Variants in SPEG observed in about 807,000 individuals in gnomAD.
SPEG encodes the protein striated muscle preferentially expressed protein kinase.
A neutral mutation model predicts 300.4 loss-of-function variants in SPEG; 114 were observed. That is an observed-to-expected ratio of 0.38 (90% CI 0.33 to 0.44). The LOEUF is 0.44. SPEG is among the 20% of genes least tolerant of loss of function. SPEG has a pLI of 1.00. For missense variants in SPEG, 4,201 were observed against 4,586.2 expected, an observed-to-expected ratio of 0.92 and a Z score of 2.43; for synonymous variants, 1,964 against 2,018.9, an observed-to-expected ratio of 0.97 and a Z score of 0.73.
chr2:219,489,780 C>T lies in SPEG; in HGVS notation c.8762C>T (p.Pro2921Leu), dbSNP rs767503621. The change falls in exon 36 of 41, where the codon CCT becomes CTT. Residue 2921 changes from proline to leucine, a missense_variant. By Grantham distance (98) the Pro-to-Leu change is moderately conservative. Coordinates refer to ENST00000312358, the MANE Select transcript of SPEG (RefSeq NM_005876.5). ...CCTGAGCCCCCAGCCCCTGAGCCCCCTCCTGAGCCTACCAAGGTGACTGTG... is the reference window on the plus strand; with the variant it reads ...CCTGAGCCCCCAGCCCCTGAGCCCCTTCCTGAGCCTACCAAGGTGACTGTG... ...PAPEPPAPEP[P>L]PEPTKVTVQS... is the part of the protein sequence containing the mutation. 7 of 1,613,724 alleles carry T rather than the reference C, an allele frequency of 4.3e-6. No individual in the cohort carries two copies. Among genetic ancestry groups the T allele is most frequent in the Non-Finnish European group, 5.9e-6 (7 of 1,179,976 alleles).
In SPEG at chr2:219,483,753, G is replaced by C; in HGVS notation, c.6290G>C (p.Gly2097Ala). The change falls in exon 30 of 41, where the codon GGC (glycine) becomes GCC (alanine). Residue 2097 changes from glycine (G) to alanine (A), a missense_variant. Physicochemically the swap from Gly to Ala is moderately conservative, Grantham distance 60 (BLOSUM62 0). Coordinates refer to ENST00000312358, the MANE Select transcript of SPEG (RefSeq NM_005876.5). ...LRGPLLESLG[G>A]RARDPRMARA... The stretch of plus-strand genomic sequence containing the variant: ...GGTCCCCTGCTGGAGAGCCTGGGGG[G>C]CCGTGCTCGGGACCCCCGGATGGCA... The C allele has an allele frequency of 6.5e-7, 1 of 1,542,156 alleles. No homozygotes were observed. The highest frequency in any genetic ancestry group is 1.9e-5 in the Admixed American group (1 of 51,762).
chr2:219,488,378 G>A (rs527243001), intron 32 of SPEG, 68 bp downstream of exon 32: 27 of 1,509,530 alleles, frequency 1.8e-5, no homozygotes, highest in Non-Finnish European at 2.3e-5. Flanking sequence ...GGATGGGAGG[G>A]GCTAGGCCGG....
chr2:219,482,865 G>A lies in SPEG; in HGVS notation c.5634+13G>A. On this transcript the variant is annotated intron_variant, in intron 29 of 40. Transcript: ENST00000312358. ...GCGGAGGTGGCAGGTAAGTGTGGCA[G>A]GCCAGCCTCTGTGCTTTCCACCTTC... is the stretch of plus-strand genomic sequence containing the variant. 6.2e-7 allele frequency: 1 copy of A among 1,612,646 alleles called. No homozygotes were observed. Among genetic ancestry groups the A allele is most frequent in the South Asian group, 1.1e-5 (1 of 91,040 alleles).
rs751877043 is a variant in SPEG, at chr2:219,483,190, C to G, written c.5727C>G (p.Pro1909=). ...CAGAGCGGGTGTGGGTGACCATGCC[C>G]AGAAGGCCACCCCCCAGTGGGGGGC... ...APPERVWVTM[P]RRPPPSGGLS... Residue 1909 remains proline, a synonymous_variant, in exon 30 of 41, where the codon CCC becomes CCG. Coordinates refer to ENST00000312358, the MANE Select transcript of SPEG (RefSeq NM_005876.5). The G allele has an allele frequency of 8.7e-6, 14 of 1,609,890 alleles. No individual in the cohort carries two copies. The highest frequency in any genetic ancestry group is 1.1e-5 in the Non-Finnish European group (13 of 1,179,066).
At chr2:219,482,685 C>G in intron 28 of SPEG, 99 bp from the exon 29 acceptor site, 1 of 1,052,840 alleles carries the variant, frequency 9.5e-7, no homozygotes. Context: ...GATCCACTCT[C>G]TCCTGCCACC....
chr2:219,484,411 A>C lies in SPEG; in HGVS notation c.6948A>C (p.Pro2316=). Residue 2316 remains proline (P), a synonymous_variant, in exon 30 of 41, where the codon CCA becomes CCC. Coordinates refer to ENST00000312358, the MANE Select transcript of SPEG (RefSeq NM_005876.5). ...KARVPTVPPR[P]GSSLSSSIEN... Reference sequence around the variant, plus strand: ...GAGTTCCCACGGTGCCCCCCAGGCCAGGCAGCAGTCTCAGTAGCAGCATCG... The same window carrying C: ...GAGTTCCCACGGTGCCCCCCAGGCCCGGCAGCAGTCTCAGTAGCAGCATCG... 6.2e-7 allele frequency: 1 copy of C among 1,610,992 alleles called. No individual in the cohort carries two copies. The highest frequency in any genetic ancestry group is 8.5e-7 in the Non-Finnish European group (1 of 1,179,814).
chr2:219,477,469 G>A lies in SPEG; in HGVS notation c.4729+24G>A. 6.4e-7 allele frequency: 1 copy of A among 1,550,712 alleles called. No homozygotes were observed. The highest frequency in any genetic ancestry group is 8.7e-7 in the Non-Finnish European group (1 of 1,146,146). ...AGGTAGGCAGGAGTTCCGGAGAAAG[G>A]TAAAGCGCACACCCCCTGGAATCTG... is the stretch of plus-strand genomic sequence containing the variant. On this transcript the variant is annotated intron_variant, in intron 20 of 40. Transcript: ENST00000312358. This position sits in a 1 kb window ranked among gnomAD's most constrained non-coding sequence, Gnocchi z 6.4.
chr2:219,435,897 G>A (rs1021579396), intron 1 of SPEG, among the ~76,000 whole-genome samples: 1 of 152,214 alleles, frequency 6.6e-6, no homozygotes, highest in South Asian at 2.1e-4. Flanking sequence ...AGAGGCCTAT[G>A]GTTGGCCACG....
chr2:219,462,934 C>A (rs1690868811), intron 8 of SPEG, among the ~76,000 whole-genome samples: 1 of 151,746 alleles, frequency 6.6e-6, no homozygotes, highest in South Asian at 2.1e-4. Context: ...AAAAATACCC[C>A]CTTCCCAAAA....
chr2:219,492,932 C>T lies in SPEG; in HGVS notation c.*146C>T. ...TCTGGCTGGGCTCTTACCTCATAGA[C>T]CTTCAAGGACAGAGACCCCAGGGCC... On this transcript the variant is annotated 3_prime_UTR_variant, in exon 41 of 41. Coordinates refer to ENST00000312358, the MANE Select transcript of SPEG (RefSeq NM_005876.5). 1.1e-6 allele frequency: 1 copy of T among 883,354 alleles called. No individual in the cohort carries two copies. The highest frequency in any genetic ancestry group is 1.8e-6 in the Non-Finnish European group (1 of 551,758). The allele number at this position is 883,354 out of a possible 1,614,324, so 54.7% of individuals were successfully genotyped here.
At position 219,489,875 on chromosome 2, in the gene SPEG, G is replaced by A. The variant is rs767277526; in HGVS notation, c.8857G>A (p.Glu2953Lys). The change falls in exon 36 of 41, where the codon GAG becomes AAG. Residue 2953 changes from glutamate (E) to lysine (K), a missense_variant. Coordinates refer to ENST00000312358, the MANE Select transcript of SPEG (RefSeq NM_005876.5). ...CAGTCCCCGAAGCTCTCCCAGGCCT[G>A]AGGGTACCACTCTTCGACAGGGTCC... ...GSSPRSSPRP[E>K]GTTLRQGPPQ... 6.2e-7 allele frequency: 1 copy of A among 1,609,362 alleles called. No homozygotes were observed. Among genetic ancestry groups the A allele is most frequent in the South Asian group, 1.1e-5 (1 of 90,906 alleles).
Position 219,481,598 on chromosome 2 carries a change from C to G in SPEG, c.5523-40C>G. 6 of 1,611,684 alleles carry G rather than the reference C, an allele frequency of 3.7e-6. No individual in the cohort carries two copies. Among genetic ancestry groups the G allele is most frequent in the Non-Finnish European group, 5.1e-6 (6 of 1,177,728 alleles). On this transcript the variant is annotated intron_variant, in intron 27 of 40. Transcript: ENST00000312358. This position sits in a 1 kb window ranked among gnomAD's most constrained non-coding sequence, Gnocchi z 5.4. ...TGCTCAGTTATTGACTCACTGATGACTGAACGATAAATCCCTTCTTAATCC... is the reference window on the plus strand; with the variant it reads ...TGCTCAGTTATTGACTCACTGATGAGTGAACGATAAATCCCTTCTTAATCC...
Position 219,478,064 on chromosome 2 carries a change from G to A in SPEG, c.4986G>A (p.Glu1662=), listed in dbSNP as rs1692513186. ...LQHDCVLYFH[E]AFERRRGLVI... ...ACGACTGTGTCCTCTACTTCCATGA[G>A]GCCTTCGAGAGGCGCCGGGGACTGG... The change falls in exon 22 of 41, where the codon GAG becomes GAA. Residue 1662 remains glutamate, a synonymous_variant. Transcript: ENST00000312358. 5.6e-6 allele frequency: 9 copies of A among 1,614,100 alleles called. 1 individual carries two copies. In the South Asian group the frequency reaches 7.7e-5, roughly 14 times the overall value.
In SPEG at chr2:219,434,889, C is replaced by T. The variant is rs1034078439; in HGVS notation, c.-89C>T. ...GGCAGCAGGAAGGCAGGCCGCCGGC[C>T]CCCCAGACTTGTCTCCTAGGGCACC... On this transcript the variant is annotated 5_prime_UTR_variant, in exon 1 of 41. Transcript: ENST00000312358. The T allele has an allele frequency of 2.5e-5, 22 of 873,090 alleles. No individual in the cohort carries two copies. The highest frequency in any genetic ancestry group is 3.6e-5 in the Admixed American group (1 of 27,602). 54.1% of individuals were successfully genotyped at this position (873,090 alleles called of 1,614,324 possible). A position where few individuals can be genotyped will look rare whatever the true frequency, so the allele number is the denominator to read the frequency against.
intron 1 of SPEG, among the ~76,000 whole-genome samples, chr2:219,440,075 T>C (rs1954818219): frequency 6.6e-6 from 1 of 152,182 alleles, no homozygotes; most frequent in Non-Finnish European, 1.5e-5. Context: ...GTACAAGACA[T>C]GACCTAAACT....
In SPEG at chr2:219,473,523, C is replaced by A. The variant is rs370013462; in HGVS notation, c.4167C>A (p.Ala1389=). The change falls in exon 17 of 41, where the codon GCC becomes GCA. Residue 1389 remains alanine, a synonymous_variant. Transcript: ENST00000312358. The surrounding 1 kb of genome is among the most constrained non-coding windows in gnomAD (Gnocchi z 4.6). ...TCCCAGGCCCAACCCTGGAGGAGGC[C>A]CCTGCCATGCTGGACAAACCAGACA... ...LLEHGPTLEE[A]PAMLDKPDIV... 545 of 1,614,078 alleles carry A rather than the reference C, an allele frequency of 3.4e-4. No homozygotes were observed. The highest frequency in any genetic ancestry group is 4.4e-4 in the Non-Finnish European group (519 of 1,180,028).
chr2:219,481,762 C>T lies in SPEG; in HGVS notation c.5565+82C>T. The T allele has an allele frequency of 7.9e-7, 1 of 1,261,186 alleles. No individual in the cohort carries two copies. 78.1% of individuals were successfully genotyped at this position (1,261,186 alleles called of 1,614,324 possible). On this transcript the variant is annotated intron_variant, in intron 28 of 40. Transcript: ENST00000312358. The surrounding 1 kb of genome is among the most constrained non-coding windows in gnomAD (Gnocchi z 5.4). ...AACAGCTCTATTTATTGAGTACCTA[C>T]TGTGTGCAGTAACCACGTTAGGCAT... is the stretch of plus-strand genomic sequence containing the variant.
intron 1 of SPEG, chr2:219,437,140 T>C (rs1391965824): frequency 6.6e-6 from 1 of 152,176 alleles, no homozygotes; most frequent in East Asian, 1.9e-4. Context: ...ATCCCAGAAC[T>C]AAGAACCCAG....
Position 219,467,193 on chromosome 2 carries a change from C to T in SPEG, c.2901C>T (p.Ser967=). Residue 967 remains serine (S), a synonymous_variant, in exon 10 of 41, where the codon TCC becomes TCT. Coordinates refer to ENST00000312358, the MANE Select transcript of SPEG (RefSeq NM_005876.5). ...CCTCAGCACACCCTGAAAGCCGGTC[C>T]CTGGCCGTGCTGGCCCCCCTGCAGG... ...LEVRAHPESR[S]LAVLAPLQDV... is the part of the protein sequence containing the mutation. 6.3e-7 allele frequency: 1 copy of T among 1,585,970 alleles called. No homozygotes were observed. The highest frequency in any genetic ancestry group is 8.6e-7 in the Non-Finnish European group (1 of 1,167,276).
Sources: allele counts gnomAD v4.1 joint callset (sites outside exome capture counted in the v4.1 genomes callset), GRCh38; gene constraint gnomAD v4.1.1; non-coding constraint Gnocchi (gnomAD v3.1); transcripts MANE v1.5; gene names NCBI Gene and HGNC (gene_info 2026-07-23, HGNC 2026-07-21).